NIBAN1: variants seen among roughly 807,000 people sequenced by gnomAD.
The protein encoded by NIBAN1 is protein Niban 1.
A neutral mutation model predicts 75.1 loss-of-function variants in NIBAN1; 81 were observed. The observed-to-expected ratio is 1.08, with a 90% CI of 0.90 to 1.30. The LOEUF (loss-of-function observed/expected upper bound fraction) is 1.30. Ranked by LOEUF, NIBAN1 falls within the 50% of genes most tolerant of loss-of-function variation. NIBAN1 has a pLI of 0.00. For missense variants in NIBAN1, 1,133 were observed against 1,128.1 expected (o/e 1.00, Z -0.06); for synonymous variants, 436 against 424.8 (o/e 1.03, Z -0.32).
chr1:184,884,704 C>T lies in NIBAN1; in HGVS notation c.530G>A (p.Cys177Tyr). The change falls in exon 5 of 14, where the codon TGC becomes TAC. Residue 177 changes from cysteine to tyrosine, a missense_variant. By Grantham distance (194) the Cys-to-Tyr change is radical. Coordinates refer to ENST00000367511, the MANE Select transcript of NIBAN1 (RefSeq NM_052966.4). ...CTTCTGGTCAGCAGCCTCGTGGAAG[C>T]AGAAGTAGCCGTGTCTGAAGAAGGG... ...WQPFFRHGYF[C>Y]FHEAADQKRF... is the part of the protein sequence containing the mutation. The T allele has an allele frequency of 6.2e-7, 1 of 1,614,216 alleles. No individual in the cohort carries two copies. Among genetic ancestry groups the T allele is most frequent in the South Asian group, 1.1e-5 (1 of 91,088 alleles).
chr1:184,906,700 G>T (rs1657114757), intron 1 of NIBAN1, among the ~76,000 whole-genome samples: 1 of 152,082 alleles, frequency 6.6e-6, no homozygotes, highest in African/African-American at 2.4e-5. Context: ...GCTTTTAAAT[G>T]AGTTTTGTCC....
intron 5 of NIBAN1, among the ~76,000 whole-genome samples, chr1:184,883,865 A>G (rs1656440794): frequency 6.6e-6 from 1 of 152,216 alleles, no homozygotes; most frequent in African/African-American, 2.4e-5. Flanking sequence ...GGACCGTGCC[A>G]CTCATCTTAA....
chr1:184,829,986 A>T (rs1382412938), intron 6 of NIBAN1, among the ~76,000 whole-genome samples: 2 of 152,190 alleles, frequency 1.3e-5, no homozygotes, highest in Non-Finnish European at 2.9e-5. Flanking sequence ...TAACTCTGAA[A>T]CTATCAGCTC....
chr1:184,890,830 G>A (rs1248741012), intron 3 of NIBAN1, among the ~76,000 whole-genome samples: 1 of 152,206 alleles, frequency 6.6e-6, no homozygotes, highest in Non-Finnish European at 1.5e-5. Flanking sequence ...CAGACAAGAA[G>A]CTCTGCTATT....
intron 1 of NIBAN1, among the ~76,000 whole-genome samples, chr1:184,908,119 G>A (rs1482662956): frequency 1.3e-5 from 2 of 152,134 alleles, no homozygotes; most frequent in African/African-American, 4.8e-5. Context: ...CCTCATAGAG[G>A]TCCCAAATTC....
At chr1:184,804,017 G>A (rs1402248005) in intron 11 of NIBAN1, among the ~76,000 whole-genome samples, 1 of 152,204 alleles carries the variant, frequency 6.6e-6, no homozygotes, top group African/African-American at 2.4e-5. Context: ...GTCCCAGGTA[G>A]GTCCATGGAA....
chr1:184,871,287 C>A (rs997065409), intron 5 of NIBAN1, among the ~76,000 whole-genome samples: 1 of 129,994 alleles, frequency 7.7e-6, no homozygotes, highest in African/African-American at 2.9e-5. Context: ...GTGGAGGGTG[C>A]AATGAGCTGA....
At chr1:184,806,218 G>A (rs1478932095) in intron 10 of NIBAN1, among the ~76,000 whole-genome samples, 162 bp from the exon 11 acceptor site, 2 of 152,190 alleles carry the variant, frequency 1.3e-5, no homozygotes, top group Non-Finnish European at 2.9e-5. Context: ...CATCACCAGG[G>A]CTGTGAAACA....
At chr1:184,854,315 T>G (rs546989727) in intron 5 of NIBAN1, among the ~76,000 whole-genome samples, 34 of 152,324 alleles carry the variant, frequency 2.2e-4, no homozygotes, top group Admixed American at 2.2e-3. Context: ...TCAAACAGCC[T>G]CATTACAAAG....
intron 5 of NIBAN1, among the ~76,000 whole-genome samples, chr1:184,842,904 GA>G (rs139980970): frequency 6.0e-5 from 9 of 149,854 alleles, no homozygotes; most frequent in East Asian, 3.9e-4. Context: ...TCACGTTTGA[GA>G]AAAAAAAAAT....
rs576632485 is a variant in NIBAN1, at chr1:184,868,703, A to T, written c.601+15930T>A. The T allele has an allele frequency of 1.7e-4, 26 of 151,080 alleles. 1 individual carries two copies. Among genetic ancestry groups the T allele is most frequent in the African/African-American group, 5.4e-4 (22 of 40,738 alleles). The allele number at this position is 151,080 out of a possible 1,614,324, so 9.4% of individuals were successfully genotyped here. Reference sequence around the variant, plus strand: ...AGTAGGAAGTGAGTATCCTCAAATCATCTGTTCCTGAATAAGGAATGAGAT... The same window carrying T: ...AGTAGGAAGTGAGTATCCTCAAATCTTCTGTTCCTGAATAAGGAATGAGAT... On this transcript the variant is annotated intron_variant, in intron 5 of 13. Transcript: ENST00000367511.
At chr1:184,937,311 G>A (rs113165501) in intron 1 of NIBAN1, among the ~76,000 whole-genome samples, 1,765 of 152,026 alleles carry the variant, frequency 0.012, 31 homozygotes, top group African/African-American at 0.041. Flanking sequence ...ATAGGTGTGT[G>A]CCATTGTGCC....
chr1:184,941,920 T>C (rs1399310304), intron 1 of NIBAN1, among the ~76,000 whole-genome samples: 2 of 152,168 alleles, frequency 1.3e-5, no homozygotes, highest in African/African-American at 4.8e-5. Flanking sequence ...GAGGAGACCA[T>C]ATTTGCCCTA....
At chr1:184,953,090 G>T (rs1286241653) in intron 1 of NIBAN1, among the ~76,000 whole-genome samples, 2 of 152,192 alleles carry the variant, frequency 1.3e-5, no homozygotes, top group Non-Finnish European at 2.9e-5. Context: ...ACTATTATAA[G>T]TGATAAAACC....
chr1:184,802,623 A>G (rs1168643409), intron 12 of NIBAN1, among the ~76,000 whole-genome samples: 2 of 152,206 alleles, frequency 1.3e-5, no homozygotes, highest in Admixed American at 6.5e-5. Flanking sequence ...AAAATGACCA[A>G]TGACATGTTG....
rs375874645 is a variant in NIBAN1 at position 184,881,101 on chromosome 1, GCACA to G, written c.601+3528_601+3531del. 2.4e-4 allele frequency among the ~76,000 whole-genome samples: 36 copies of G among 147,386 alleles called. 1 individual carries two copies. The highest frequency in any genetic ancestry group is 1.4e-3 in the Admixed American group (20 of 14,678). On this transcript the variant is annotated intron_variant, in intron 5 of 13. Coordinates refer to ENST00000367511, the MANE Select transcript of NIBAN1 (RefSeq NM_052966.4). ...CCCATGAAAGTGCACATGTGAGCAT[GCACA>G]CACACACACACACACACACACAACC...
intron 9 of NIBAN1, among the ~76,000 whole-genome samples, chr1:184,814,462 G>GT (rs1031996272): frequency 3.9e-5 from 6 of 152,048 alleles, no homozygotes; most frequent in African/African-American, 1.2e-4. Context: ...ATAATGAAAG[G>GT]TTTTTGTTTA....
At chr1:184,840,574 C>G (rs78311810) in intron 5 of NIBAN1, among the ~76,000 whole-genome samples, 2,027 of 152,020 alleles carry the variant, frequency 0.013, 9 homozygotes, top group Middle Eastern at 0.024. Flanking sequence ...CCTACCTTGT[C>G]CAGCTAAAGG....
intron 5 of NIBAN1, among the ~76,000 whole-genome samples, chr1:184,883,631 C>T (rs953817675): frequency 6.6e-6 from 1 of 152,202 alleles, no homozygotes; most frequent in African/African-American, 2.4e-5. Flanking sequence ...GGCAAAGTGG[C>T]CTGAAGCAAC....
Sources: gnomAD v4.1 joint callset for allele counts (sites outside exome capture counted in the v4.1 genomes callset) on GRCh38, gnomAD v4.1.1 for gene constraint, MANE v1.5 for transcripts, NCBI Gene and HGNC (gene_info 2026-07-23, HGNC 2026-07-21) for gene names.